SBF2: variants seen among roughly 807,000 people sequenced by gnomAD.
SBF2 encodes myotubularin-related protein 13.
A neutral mutation model predicts 225.2 loss-of-function variants in SBF2; 112 were observed. The observed-to-expected ratio is 0.50, with a 90% CI of 0.43 to 0.58. The LOEUF is 0.58. Ranked by LOEUF, SBF2 falls within the 20% of genes least tolerant of loss-of-function variation. The probability of loss-of-function intolerance (pLI) is 0.00; values close to 1 mark genes in which losing one functional copy is unlikely to be tolerated. For missense variants in SBF2, 1,996 were observed against 2,206.2 expected, an observed-to-expected ratio of 0.90 and a Z score of 1.91; for synonymous variants, 763 against 773.3, an observed-to-expected ratio of 0.99 and a Z score of 0.22.
chr11:9,916,327 T>G (rs1405911812), intron 16 of SBF2, among the ~76,000 whole-genome samples: 2 of 152,168 alleles, frequency 1.3e-5, no homozygotes, highest in African/African-American at 4.8e-5. Flanking sequence ...AATCAAACAC[T>G]GGCAGAAAAA....
In SBF2 at chr11:9,999,752, A is replaced by G. The variant is rs192108282; in HGVS notation, c.861+1162T>C. Reference sequence around the variant, plus strand: ...CATATTTTTATACAGTGATACCAAAATTAAATAGGAACTAAGTATCAACAT... The same window carrying G: ...CATATTTTTATACAGTGATACCAAAGTTAAATAGGAACTAAGTATCAACAT... On this transcript the variant is annotated intron_variant, in intron 8 of 39. Coordinates refer to ENST00000256190, the MANE Select transcript of SBF2 (RefSeq NM_030962.4). Among the ~76,000 whole-genome samples the G allele has an allele frequency of 1.4e-4, 22 of 152,344 alleles. No individual in the cohort carries two copies. The East Asian group carries it at 4.2e-3, about 29-fold the overall frequency.
At chr11:10,172,623 G>C (rs763896188) in intron 2 of SBF2, among the ~76,000 whole-genome samples, 2 of 152,198 alleles carry the variant, frequency 1.3e-5, no homozygotes, top group African/African-American at 4.8e-5. Context: ...GAAGTGCTGG[G>C]ATTACAGGTG....
chr11:10,129,347 G>GC (rs11381042), intron 2 of SBF2, among the ~76,000 whole-genome samples: 72,572 of 151,736 alleles, frequency 0.48, 17,651 homozygotes, highest in Admixed American at 0.57. Context: ...CAAGTGATCT[G>GC]CTGCCTTGGC....
intron 2 of SBF2, among the ~76,000 whole-genome samples, chr11:10,111,791 C>T (rs1255822238): frequency 2.0e-5 from 3 of 152,190 alleles, no homozygotes; most frequent in Non-Finnish European, 2.9e-5. Context: ...ACAGGAGAAT[C>T]GCTTGAACCC....
intron 1 of SBF2, 72 bp downstream of exon 1, chr11:10,293,943 G>T (rs1964344260): frequency 8.7e-7 from 1 of 1,153,716 alleles, no homozygotes; most frequent in Non-Finnish European, 1.1e-6. Context: ...CCGACGCCCG[G>T]CCCCGCGGAG....
intron 2 of SBF2, among the ~76,000 whole-genome samples, chr11:10,179,277 T>C (rs1174892405): frequency 2.6e-5 from 4 of 151,640 alleles, no homozygotes; most frequent in African/African-American, 7.3e-5. Flanking sequence ...CACACCAGCA[T>C]GGCACATGTA....
intron 2 of SBF2, among the ~76,000 whole-genome samples, chr11:10,168,608 G>A (rs1323970538): frequency 6.6e-6 from 1 of 152,174 alleles, no homozygotes; most frequent in Non-Finnish European, 1.5e-5. Context: ...AATTTGAAAT[G>A]TACCTTCCGG....
chr11:10,138,696 T>C (rs1786756455), intron 2 of SBF2, among the ~76,000 whole-genome samples: 2 of 152,178 alleles, frequency 1.3e-5, no homozygotes, highest in Admixed American at 6.5e-5. Flanking sequence ...TGAACCACTA[T>C]TTAGAAACAT....
At chr11:10,091,568 T>C (rs1282183577) in intron 2 of SBF2, among the ~76,000 whole-genome samples, 3 of 152,344 alleles carry the variant, frequency 2.0e-5, no homozygotes, top group African/African-American at 7.2e-5. Flanking sequence ...CTCAGGAATG[T>C]TGCCTGCATA....
intron 17 of SBF2, among the ~76,000 whole-genome samples, chr11:9,887,790 T>A (rs982095214): frequency 1.3e-5 from 2 of 151,688 alleles, no homozygotes; most frequent in Non-Finnish European, 2.9e-5. Flanking sequence ...AAACCCTTCA[T>A]CACCCACTCC....
chr11:10,186,077 C>A (rs1956925275), intron 2 of SBF2, among the ~76,000 whole-genome samples: 1 of 152,110 alleles, frequency 6.6e-6, no homozygotes, highest in Admixed American at 6.5e-5. Flanking sequence ...CTATTTGTTA[C>A]CCAGAACTTA....
intron 29 of SBF2, 68 bp from the exon 30 acceptor site, chr11:9,812,776 G>T: frequency 2.6e-6 from 4 of 1,518,852 alleles, no homozygotes; most frequent in Non-Finnish European, 3.6e-6. Flanking sequence ...GTTTCCAATG[G>T]GGCAGTGCAT....
Position 10,052,062 on chromosome 11 carries a change from G to A in SBF2, c.142-9081C>T, listed in dbSNP as rs911154262. 2.6e-5 allele frequency among the ~76,000 whole-genome samples: 4 copies of A among 151,986 alleles called. No individual in the cohort carries two copies. In the South Asian group the frequency reaches 8.3e-4, roughly 31 times the overall value. Reference sequence around the variant, plus strand: ...AGGAAAATGTTTAGACAGCTGGAGAGTAGTCACTAAAAGATAGTAAGCAGG... The same window carrying A: ...AGGAAAATGTTTAGACAGCTGGAGAATAGTCACTAAAAGATAGTAAGCAGG... On this transcript the variant is annotated intron_variant, in intron 2 of 39. Transcript: ENST00000256190.
intron 13 of SBF2, among the ~76,000 whole-genome samples, chr11:9,985,614 C>T (rs540726440): frequency 7.9e-5 from 12 of 152,092 alleles, no homozygotes; most frequent in Non-Finnish European, 1.3e-4. Flanking sequence ...TGCGACACCA[C>T]GCCTGGCTGG....
intron 2 of SBF2, among the ~76,000 whole-genome samples, chr11:10,052,847 G>A (rs1025558021): frequency 2.0e-5 from 3 of 152,082 alleles, no homozygotes; most frequent in Non-Finnish European, 2.9e-5. Flanking sequence ...TCTATAAACC[G>A]TGTTCTTTCA....
At chr11:9,998,478 T>C (rs145988551) in intron 8 of SBF2, 99 bp from the exon 9 acceptor site, 2 of 701,280 alleles carry the variant, frequency 2.9e-6, no homozygotes, top group Admixed American at 2.2e-5. Flanking sequence ...AAGAATCAGA[T>C]GTGGAAGAGA....
intron 2 of SBF2, among the ~76,000 whole-genome samples, chr11:10,118,530 A>C (rs966811990): frequency 6.6e-6 from 1 of 152,160 alleles, no homozygotes. Flanking sequence ...TATACATTTC[A>C]AACATATGTA....
intron 1 of SBF2, among the ~76,000 whole-genome samples, chr11:10,288,142 C>T (rs1261711788): frequency 6.6e-6 from 1 of 152,190 alleles, no homozygotes; most frequent in Non-Finnish European, 1.5e-5. Context: ...GGTCTGGGCT[C>T]CCAGAAGGGC....
intron 14 of SBF2, among the ~76,000 whole-genome samples, chr11:9,966,043 T>A (rs1247879264): frequency 6.6e-6 from 1 of 152,226 alleles, no homozygotes; most frequent in Non-Finnish European, 1.5e-5. Context: ...ATTTTAAATT[T>A]TCTTTAGGCT....
Sources: allele counts gnomAD v4.1 joint callset (sites outside exome capture counted in the v4.1 genomes callset), GRCh38; gene constraint gnomAD v4.1.1; transcripts MANE v1.5; gene names NCBI Gene and HGNC (gene_info 2026-07-23, HGNC 2026-07-21).